The following NLRP1 variants were observed in gnomAD, a reference collection of about 807,000 sequenced individuals.
NLRP1 encodes the protein NLR family pyrin domain containing 1.
A neutral mutation model predicts 136.7 loss-of-function variants in NLRP1; 94 were observed. The ratio of observed to expected loss-of-function variants is 0.69; its 90% CI spans 0.58 to 0.82. The LOEUF (loss-of-function observed/expected upper bound fraction) is 0.82, where lower values mean the gene tolerates loss of function less well. NLRP1 is among the 40% of genes least tolerant of loss of function. NLRP1 has a pLI of 0.00. For missense variants in NLRP1, 1,575 were observed against 1,802.7 expected (o/e 0.87, Z 2.29); for synonymous variants, 690 against 725.1 (o/e 0.95, Z 0.78).
chr17:5,543,273 G>C (rs1170761799), intron 5 of NLRP1, among the ~76,000 whole-genome samples: 2 of 152,162 alleles, frequency 1.3e-5, no homozygotes, highest in Admixed American at 1.3e-4. Flanking sequence ...AGGAATGAGT[G>C]ATTGCCAAGG....
At chr17:5,513,041 C>T (rs952071823), downstream of NLRP1, among the ~76,000 whole-genome samples, 3 of 152,344 alleles carry the variant, frequency 2.0e-5, no homozygotes, top group Admixed American at 1.3e-4. Context: ...CCTTGTGATA[C>T]AGGCGTGTCA....
At chr17:5,542,277 C>G (rs943263830) in intron 5 of NLRP1, among the ~76,000 whole-genome samples, 1 of 152,116 alleles carries the variant, frequency 6.6e-6, no homozygotes, top group Non-Finnish European at 1.5e-5. Flanking sequence ...ATACAATTCA[C>G]GGTCCTTTTC....
Position 5,561,552 on chromosome 17 carries a change from T to G in NLRP1, c.653-1509A>C. The stretch of plus-strand genomic sequence containing the variant: ...TCCGCTTCCCGGGTTCACGCCATTC[T>G]CCTGCCTCAGCCTCCCGAGTAGCTG... On this transcript the variant is annotated intron_variant, in intron 3 of 16. Transcript: ENST00000572272. Among the ~76,000 whole-genome samples, 4 of 95,140 alleles carry G rather than the reference T, an allele frequency of 4.2e-5. 2 individuals are homozygous for G. Among genetic ancestry groups the G allele is most frequent in the Non-Finnish European group, 8.9e-5 (4 of 45,008 alleles). 62.4% of individuals were successfully genotyped at this position (95,140 alleles called of 152,430 possible).
At chr17:5,529,720 T>C (rs1910002217) in intron 12 of NLRP1, among the ~76,000 whole-genome samples, 1 of 152,192 alleles carries the variant, frequency 6.6e-6, no homozygotes, top group South Asian at 2.1e-4. Flanking sequence ...TTGTCATTTT[T>C]AATGGTTCAT....
chr17:5,522,304 G>A (rs773003127), intron 12 of NLRP1, among the ~76,000 whole-genome samples: 1 of 152,232 alleles, frequency 6.6e-6, no homozygotes, highest in Non-Finnish European at 1.5e-5. Context: ...AAGAGGTGAA[G>A]CTTTTATGGG....
intron 16 of NLRP1, 115 bp from the exon 17 acceptor site, chr17:5,515,188 C>T (rs969594599): frequency 5.9e-6 from 6 of 1,008,712 alleles, no homozygotes; most frequent in African/African-American, 3.2e-5. Flanking sequence ...AGAAATGCAC[C>T]TGTGTCCTCC....
intron 4 of NLRP1, among the ~76,000 whole-genome samples, chr17:5,554,723 A>G (rs1913820900): frequency 6.6e-6 from 1 of 152,190 alleles, no homozygotes; most frequent in African/African-American, 2.4e-5. Context: ...AAGTACTACA[A>G]ACATATAAAA....
chr17:5,561,969 G>T (rs1018688096), intron 3 of NLRP1, among the ~76,000 whole-genome samples: 1 of 152,130 alleles, frequency 6.6e-6, no homozygotes, highest in Admixed American at 6.5e-5. Context: ...ACCCACCACC[G>T]CCTCTCCTAG....
At chr17:5,526,591 G>A (rs1909581161) in intron 12 of NLRP1, among the ~76,000 whole-genome samples, 1 of 152,192 alleles carries the variant, frequency 6.6e-6, no homozygotes, top group Non-Finnish European at 1.5e-5. Flanking sequence ...GGAGAGCAGA[G>A]GTCTGTGTGT....
intron 5 of NLRP1, among the ~76,000 whole-genome samples, chr17:5,550,739 T>C (rs931231317): frequency 6.6e-6 from 1 of 152,202 alleles, no homozygotes; most frequent in Admixed American, 6.5e-5. Context: ...GCTTTTGGTT[T>C]TGTTTGCTTT....
At chr17:5,549,384 T>C (rs1434268934) in intron 5 of NLRP1, among the ~76,000 whole-genome samples, 1 of 152,150 alleles carries the variant, frequency 6.6e-6, no homozygotes, top group Admixed American at 6.5e-5. Context: ...GCTGAAGCGA[T>C]TCTCCCACCT....
chr17:5,551,849 A>C (rs1913401702), intron 5 of NLRP1, among the ~76,000 whole-genome samples: 1 of 152,200 alleles, frequency 6.6e-6, no homozygotes, highest in Admixed American at 6.5e-5. Flanking sequence ...AGCTCACTGC[A>C]GTGTTGAACT....
rs146736101 is a variant in NLRP1, at chr17:5,558,719, T to A, written c.1977A>T (p.Ala659=). Residue 659 remains alanine (A), a synonymous_variant, in exon 4 of 17, where the codon GCA becomes GCT. Transcript: ENST00000572272. The stretch of plus-strand genomic sequence containing the variant: ...CCCCAAACAGGCCATGTATTCCATA[T>A]GCTTCTAGCGTCTTTTCCAAATCTA... The part of the protein sequence containing the change: ...CIIDLEKTLE[A]YGIHGLFGAS... The A allele has an allele frequency of 6.2e-7, 1 of 1,614,234 alleles. No individual in the cohort carries two copies. The highest frequency in any genetic ancestry group is 8.5e-7 in the Non-Finnish European group (1 of 1,180,038).
At chr17:5,528,743 T>C (rs1909863033) in intron 12 of NLRP1, among the ~76,000 whole-genome samples, 1 of 152,184 alleles carries the variant, frequency 6.6e-6, no homozygotes, top group Non-Finnish European at 1.5e-5. Flanking sequence ...ATACTAAAAA[T>C]ACATTGAACT....
chr17:5,519,112 C>G (rs1597394996), intron 14 of NLRP1, among the ~76,000 whole-genome samples: 1 of 151,884 alleles, frequency 6.6e-6, no homozygotes, highest in East Asian at 2.0e-4. Context: ...ATGCCATTCT[C>G]CTACCTCAGC....
chr17:5,530,085 T>C (rs1458388152), intron 12 of NLRP1: 2 of 458,728 alleles, frequency 4.4e-6, no homozygotes, highest in African/African-American at 2.0e-5. Context: ...GGCTTCCTAT[T>C]GTTGCTAGTC....
intron 9 of NLRP1, 105 bp from the exon 10 acceptor site, chr17:5,533,489 T>G (rs71368556): frequency 0.05 from 32,558 of 655,268 alleles, 978 homozygotes; most frequent in Middle Eastern, 0.085. Context: ...TCAGAAGGTT[T>G]AGGCTGCAGT....
chr17:5,534,661 C>A (rs182118714), intron 8 of NLRP1, among the ~76,000 whole-genome samples: 1 of 152,332 alleles, frequency 6.6e-6, no homozygotes. Flanking sequence ...GGTCTCCCTG[C>A]TTCTGCTCGG....
At position 5,582,775 on chromosome 17, in the gene NLRP1, C is replaced by A. The variant is rs200012608; in HGVS notation, c.343G>T (p.Ala115Ser). The A allele has an allele frequency of 1.2e-6, 2 of 1,614,016 alleles. No individual in the cohort carries two copies. Among genetic ancestry groups the A allele is most frequent in the Non-Finnish European group, 1.7e-6 (2 of 1,179,938 alleles). The stretch of plus-strand genomic sequence containing the variant: ...TCATGGATCCAGGGCATTAGCACTG[C>A]GGTGGAGGTGGGTTGGCTGGGAGAC... ...LGSPSQPTST[A>S]VLMPWIHELP... Residue 115 changes from alanine (A) to serine (S), a missense_variant, in exon 2 of 17, where the codon GCA becomes TCA. By Grantham distance (99) the Ala-to-Ser change is moderately conservative. Coordinates refer to ENST00000572272, the MANE Select transcript of NLRP1 (RefSeq NM_033004.4).
Sources: gnomAD v4.1 joint callset for allele counts (sites outside exome capture counted in the v4.1 genomes callset) on GRCh38, gnomAD v4.1.1 for gene constraint, MANE v1.5 for transcripts, NCBI Gene and HGNC (gene_info 2026-07-23, HGNC 2026-07-21) for gene names.